Variants in TRHDE observed in about 807,000 individuals in gnomAD.
TRHDE encodes thyrotropin releasing hormone degrading enzyme.
A neutral mutation model predicts 125.7 loss-of-function variants in TRHDE; 72 were observed. The ratio of observed to expected loss-of-function variants is 0.57; its 90% CI spans 0.47 to 0.70. The LOEUF is 0.70. TRHDE is among the 30% of genes least tolerant of loss of function. The pLI is 0.00. For missense variants in TRHDE, 1,110 were observed against 1,327.1 expected (o/e 0.84, Z 2.54); for synonymous variants, 509 against 509.1 (o/e 1.00, Z 0.00).
intron 2 of TRHDE, among the ~76,000 whole-genome samples, chr12:72,138,424 A>G (rs1387759860): frequency 1.3e-5 from 2 of 152,176 alleles, no homozygotes; most frequent in African/African-American, 4.8e-5. Context: ...AGCAACAAAT[A>G]AAAATCTCTG....
At chr12:72,320,804 CT>C (rs1869055595) in intron 2 of TRHDE, among the ~76,000 whole-genome samples, 1 of 152,092 alleles carries the variant, frequency 6.6e-6, no homozygotes. Context: ...CTTTCTTGGT[CT>C]GTTACTAGCT....
chr12:72,094,209 C>T (rs1257513189), intron 1 of TRHDE, among the ~76,000 whole-genome samples: 1 of 152,192 alleles, frequency 6.6e-6, no homozygotes, highest in East Asian at 1.9e-4. Flanking sequence ...CCACAGATGA[C>T]ACCAGGTGCA....
chr12:72,276,157 A>G (rs1328608095), intron 1 of TRHDE, among the ~76,000 whole-genome samples: 1 of 152,208 alleles, frequency 6.6e-6, no homozygotes, highest in African/African-American at 2.4e-5. Context: ...GACCCATATC[A>G]GCATCTCAGC....
At chr12:72,376,295 C>T (rs1381632913) in intron 2 of TRHDE, among the ~76,000 whole-genome samples, 1 of 152,160 alleles carries the variant, frequency 6.6e-6, no homozygotes, top group Non-Finnish European at 1.5e-5. Flanking sequence ...TAAGTTTCTC[C>T]TTAGAGCACT....
At chr12:72,412,109 T>C (rs186553091) in intron 3 of TRHDE, among the ~76,000 whole-genome samples, 8 of 152,102 alleles carry the variant, frequency 5.3e-5, no homozygotes, top group East Asian at 3.9e-4. Flanking sequence ...AATGAAAAGA[T>C]TGACACATTG....
At chr12:72,282,933 G>A (rs1032754468) in intron 1 of TRHDE, among the ~76,000 whole-genome samples, 7 of 152,036 alleles carry the variant, frequency 4.6e-5, no homozygotes, top group Admixed American at 3.9e-4. Context: ...TAGAGGCCAG[G>A]GATACTGCTA....
chr12:72,512,613 A>G (rs1337762533), intron 6 of TRHDE, among the ~76,000 whole-genome samples: 1 of 142,202 alleles, frequency 7.0e-6, no homozygotes, highest in African/African-American at 2.6e-5. Flanking sequence ...ATATAATTAT[A>G]TATAATCATA....
intron 2 of TRHDE, among the ~76,000 whole-genome samples, chr12:72,160,077 T>A (rs1876601820): frequency 6.6e-6 from 1 of 152,200 alleles, no homozygotes; most frequent in African/African-American, 2.4e-5. Flanking sequence ...GGGGACAGAA[T>A]TTTTGCATAG....
At chr12:72,120,197 C>T (rs1450684635) in intron 2 of TRHDE, among the ~76,000 whole-genome samples, 1 of 151,574 alleles carries the variant, frequency 6.6e-6, no homozygotes, top group Non-Finnish European at 1.5e-5. Flanking sequence ...ATTACAGGTG[C>T]CCGCCATCAC....
chr12:72,351,608 T>A (rs1870586331), intron 2 of TRHDE, among the ~76,000 whole-genome samples: 1 of 151,922 alleles, frequency 6.6e-6, no homozygotes, highest in African/African-American at 2.4e-5. Context: ...CCTCTCTTTA[T>A]CTCCATCACT....
intron 16 of TRHDE, 43 bp downstream of exon 16, chr12:72,652,532 A>T: frequency 6.8e-7 from 1 of 1,478,450 alleles, no homozygotes. Context: ...TAATGAAAGT[A>T]TTCTGTTAAT....
intron 3 of TRHDE, among the ~76,000 whole-genome samples, chr12:72,413,093 A>G (rs889623727): frequency 6.6e-6 from 1 of 152,072 alleles, no homozygotes; most frequent in African/African-American, 2.4e-5. Context: ...TGTGTTTTAT[A>G]TACTACTTCT....
In TRHDE at chr12:72,669,797, C is replaced by T. The variant is rs556477321; in HGVS notation, c.*6602C>T. 31 of 151,778 alleles carry T rather than the reference C, an allele frequency of 2.0e-4. No homozygotes were observed. Among genetic ancestry groups the T allele is most frequent in the Admixed American group, 3.9e-4 (6 of 15,192 alleles). 9.4% of individuals were successfully genotyped at this position (151,778 alleles called of 1,614,324 possible). On this transcript the variant is annotated 3_prime_UTR_variant, in exon 19 of 19. Transcript: ENST00000261180. Reference sequence around the variant, plus strand: ...TCAAAATATTGTGTAACAGCAATTCCACATTATCCTTTTGAATGCTACCTA... The same window carrying T: ...TCAAAATATTGTGTAACAGCAATTCTACATTATCCTTTTGAATGCTACCTA...
At chr12:72,368,429 A>G (rs1304422660) in intron 2 of TRHDE, among the ~76,000 whole-genome samples, 1 of 152,118 alleles carries the variant, frequency 6.6e-6, no homozygotes, top group African/African-American at 2.4e-5. Context: ...GAAAGATAGA[A>G]CTTTGTATGT....
intron 2 of TRHDE, among the ~76,000 whole-genome samples, chr12:72,219,907 G>A (rs933641159): frequency 7.9e-5 from 12 of 152,122 alleles, no homozygotes; most frequent in African/African-American, 2.9e-4. Context: ...ACATAACATG[G>A]TAATTACTCT....
chr12:72,420,971 GA>G (rs1235388400), intron 3 of TRHDE, among the ~76,000 whole-genome samples: 1 of 150,680 alleles, frequency 6.6e-6, no homozygotes, highest in African/African-American at 2.5e-5. Flanking sequence ...GGATTGGTAT[GA>G]TTTTTTTTTT....
intron 3 of TRHDE, among the ~76,000 whole-genome samples, chr12:72,442,295 C>T (rs1233792534): frequency 6.6e-6 from 1 of 151,710 alleles, no homozygotes; most frequent in African/African-American, 2.4e-5. Flanking sequence ...GAGATTTTTG[C>T]TCCACAAAGA....
At position 72,652,340 on chromosome 12, in the gene TRHDE, A is replaced by G; in HGVS notation, c.2694A>G (p.Arg898=). Reference sequence around the variant, plus strand: ...TCTTTAGAATACCACTAAATGTTAGAGACATCGTATACTGTACAGGAGTGT... The same window carrying G: ...TCTTTAGAATACCACTAAATGTTAGGGACATCGTATACTGTACAGGAGTGT... The part of the protein sequence containing the change: ...SNRNRIPLNV[R]DIVYCTGVSL... The change falls in exon 16 of 19, where the codon AGA becomes AGG. Residue 898 remains arginine (R), a synonymous_variant. Transcript: ENST00000261180. The G allele has an allele frequency of 6.8e-7, 1 of 1,476,654 alleles. No individual in the cohort carries two copies. Among genetic ancestry groups the G allele is most frequent in the Non-Finnish European group, 9.0e-7 (1 of 1,109,040 alleles). The allele number at this position is 1,476,654 out of a possible 1,614,324, so 91.5% of individuals were successfully genotyped here.
intron 3 of TRHDE, among the ~76,000 whole-genome samples, chr12:72,450,455 T>C (rs1259613467): frequency 6.6e-6 from 1 of 152,108 alleles, no homozygotes; most frequent in Admixed American, 6.5e-5. Context: ...ATGTACAACA[T>C]GATGTTTTGA....
Sources: allele counts gnomAD v4.1 joint callset (sites outside exome capture counted in the v4.1 genomes callset), GRCh38; gene constraint gnomAD v4.1.1; transcripts MANE v1.5; gene names NCBI Gene and HGNC (gene_info 2026-07-23, HGNC 2026-07-21).